Variants in PRKN observed in about 807,000 individuals in gnomAD.
PRKN encodes the protein E3 ubiquitin-protein ligase parkin.
Under a neutral mutation model 59.5 loss-of-function variants are expected in PRKN, and 56 were observed. That is an observed-to-expected ratio of 0.94 (90% CI 0.76 to 1.18). The LOEUF (loss-of-function observed/expected upper bound fraction) is 1.18, where lower values mean the gene tolerates loss of function less well. Ranked by LOEUF, PRKN falls within the 50% of genes most tolerant of loss-of-function variation. PRKN has a pLI of 0.00. For synonymous variants in PRKN, 250 were observed against 222.1 expected, an observed-to-expected ratio of 1.13 and a Z score of -1.12; for missense variants, 657 against 596.4, an observed-to-expected ratio of 1.10 and a Z score of -1.06.
intron 1 of PRKN, among the ~76,000 whole-genome samples, chr6:162,701,307 A>G (rs1193284592): frequency 6.6e-6 from 1 of 152,230 alleles, no homozygotes; most frequent in East Asian, 1.9e-4. Context: ...CTTCTGTAAA[A>G]GACCTTAAAT....
At chr6:161,565,490 C>T (rs1687830912) in intron 8 of PRKN, among the ~76,000 whole-genome samples, 1 of 152,100 alleles carries the variant, frequency 6.6e-6, no homozygotes. Flanking sequence ...ATGATTCCCC[C>T]CATGGTGTTC....
rs537229871 is a variant in PRKN at position 162,199,622 on chromosome 6, C to G, written c.534+1509G>C. On this transcript the variant is annotated intron_variant, in intron 4 of 11. Coordinates refer to ENST00000366898, the MANE Select transcript of PRKN (RefSeq NM_004562.3). ...AAGTGGAAGCAACCCCTCTTGGGGA[C>G]ATTGGGCCTGCAGCATGCTGCCCGG... is the stretch of plus-strand genomic sequence containing the variant. Among the ~76,000 whole-genome samples the G allele has an allele frequency of 3.3e-5, 5 of 152,216 alleles. No individual in the cohort carries two copies. The East Asian group carries it at 7.8e-4, about 24-fold the overall frequency.
At chr6:161,687,089 T>A (rs1293633771) in intron 7 of PRKN, among the ~76,000 whole-genome samples, 2 of 152,050 alleles carry the variant, frequency 1.3e-5, no homozygotes, top group Non-Finnish European at 2.9e-5. Flanking sequence ...TCCTCTTTTT[T>A]AAAGAATACA....
At chr6:161,893,932 G>A (rs746363020) in intron 6 of PRKN, among the ~76,000 whole-genome samples, 2 of 152,090 alleles carry the variant, frequency 1.3e-5, no homozygotes, top group Non-Finnish European at 2.9e-5. Context: ...TTTGGCACAC[G>A]ATTTGTCACA....
chr6:161,733,798 G>GTATA (rs10597402), intron 7 of PRKN, among the ~76,000 whole-genome samples: 3,285 of 122,230 alleles, frequency 0.027, 83 homozygotes, highest in East Asian at 0.066. Flanking sequence ...ATATATATAT[G>GTATA]TATATATATA....
chr6:162,486,322 A>G (rs1792539006), intron 1 of PRKN, among the ~76,000 whole-genome samples: 1 of 152,200 alleles, frequency 6.6e-6, no homozygotes, highest in Non-Finnish European at 1.5e-5. Context: ...AAAGTTCTAC[A>G]ATTCCATTTG....
chr6:161,741,273 C>G (rs1404425693), intron 7 of PRKN, among the ~76,000 whole-genome samples: 1 of 152,160 alleles, frequency 6.6e-6, no homozygotes, highest in African/African-American at 2.4e-5. Flanking sequence ...ATTCAGTGGT[C>G]ATGCCATCTA....
At chr6:162,022,171 T>C (rs748957765) in intron 5 of PRKN, among the ~76,000 whole-genome samples, 1 of 152,168 alleles carries the variant, frequency 6.6e-6, no homozygotes, top group African/African-American at 2.4e-5. Flanking sequence ...GAGTTTTTGA[T>C]AGAATGATTT....
chr6:161,899,710 T>C (rs1777810043), intron 6 of PRKN, among the ~76,000 whole-genome samples: 1 of 152,226 alleles, frequency 6.6e-6, no homozygotes, highest in Non-Finnish European at 1.5e-5. Flanking sequence ...CTGTCCTTTT[T>C]TCTAACCAAT....
At chr6:162,228,000 T>C (rs1023852912) in intron 3 of PRKN, among the ~76,000 whole-genome samples, 9 of 152,138 alleles carry the variant, frequency 5.9e-5, no homozygotes, top group African/African-American at 2.2e-4. Context: ...GTGAGGGCTA[T>C]TTTCTCATGT....
At chr6:161,639,195 A>G (rs186891843) in intron 7 of PRKN, among the ~76,000 whole-genome samples, 2 of 152,300 alleles carry the variant, frequency 1.3e-5, no homozygotes, top group Non-Finnish European at 2.9e-5. Flanking sequence ...TCTTTCCTTT[A>G]TAAATTAGCC....
At chr6:162,329,488 T>C (rs1337635410) in intron 2 of PRKN, among the ~76,000 whole-genome samples, 1 of 152,144 alleles carries the variant, frequency 6.6e-6, no homozygotes, top group East Asian at 1.9e-4. Context: ...CGTAAGCAAG[T>C]TCCTACCTCC....
At chr6:161,988,459 C>G (rs71567630) in intron 5 of PRKN, among the ~76,000 whole-genome samples, 1 of 152,074 alleles carries the variant, frequency 6.6e-6, no homozygotes, top group Admixed American at 6.5e-5. Flanking sequence ...GCACTCCAGC[C>G]TGAGCAACAC....
At chr6:162,447,690 T>A (rs544374038) in intron 1 of PRKN, among the ~76,000 whole-genome samples, 76 of 152,260 alleles carry the variant, frequency 5.0e-4, no homozygotes, top group Non-Finnish European at 8.4e-4. Context: ...CTGACCAGGG[T>A]ATAAACTTCA....
At chr6:161,844,783 G>A (rs374376695) in intron 6 of PRKN, among the ~76,000 whole-genome samples, 16 of 152,186 alleles carry the variant, frequency 1.1e-4, no homozygotes, top group Admixed American at 2.6e-4. Context: ...CCCCCACCCC[G>A]GAAGCAGAAT....
At chr6:162,311,694 G>C (rs1033777961) in intron 2 of PRKN, among the ~76,000 whole-genome samples, 1 of 151,714 alleles carries the variant, frequency 6.6e-6, no homozygotes, top group Non-Finnish European at 1.5e-5. Flanking sequence ...GTGTTGGCCA[G>C]GCTATAAATA....
chr6:161,642,175 TC>T (rs2128158836), intron 7 of PRKN, among the ~76,000 whole-genome samples: 1 of 152,338 alleles, frequency 6.6e-6, no homozygotes, highest in Non-Finnish European at 1.5e-5. Flanking sequence ...TACCTAGAAG[TC>T]ATTTAGCTGT....
At chr6:161,802,764 C>T (rs1441345397) in intron 6 of PRKN, among the ~76,000 whole-genome samples, 2 of 152,184 alleles carry the variant, frequency 1.3e-5, no homozygotes, top group African/African-American at 4.8e-5. Context: ...TGCCTTCTTA[C>T]TCGCAATGCC....
chr6:161,444,649 C>G lies in PRKN; in HGVS notation c.1084-57772G>C, dbSNP rs1036842482. ...TGAGAGGCTAATTCACTGTGCTCAG[C>G]CTGTCTGCGGGTAGCGAGGGCTCCT... On this transcript the variant is annotated intron_variant, in intron 9 of 11. Coordinates refer to ENST00000366898, the MANE Select transcript of PRKN (RefSeq NM_004562.3). This position sits in a 1 kb window ranked among gnomAD's most constrained non-coding sequence, Gnocchi z 5.6. 6.6e-6 allele frequency among the ~76,000 whole-genome samples: 1 copy of G among 152,210 alleles called. No individual in the cohort carries two copies. Among genetic ancestry groups the G allele is most frequent in the African/African-American group, 2.4e-5 (1 of 41,462 alleles).
Sources: gnomAD v4.1 joint callset for allele counts (sites outside exome capture counted in the v4.1 genomes callset) on GRCh38, gnomAD v4.1.1 for gene constraint, Gnocchi (gnomAD v3.1) non-coding constraint, MANE v1.5 for transcripts, NCBI Gene and HGNC (gene_info 2026-07-23, HGNC 2026-07-21) for gene names.